The following SCEL variants were observed in gnomAD, a reference collection of about 807,000 sequenced individuals.
The protein encoded by SCEL is sciellin.
Under a neutral mutation model 117.6 loss-of-function variants are expected in SCEL, and 113 were observed. That is an observed-to-expected ratio of 0.96 (90% CI 0.83 to 1.12). The LOEUF (loss-of-function observed/expected upper bound fraction) is 1.12, where lower values mean the gene tolerates loss of function less well. SCEL is among the 50% of genes most tolerant of loss of function. The pLI is 0.00. For synonymous variants in SCEL, 270 were observed against 256.2 expected, an observed-to-expected ratio of 1.05 and a Z score of -0.51; for missense variants, 785 against 810.8, an observed-to-expected ratio of 0.97 and a Z score of 0.39.
rs1342111272 is a variant in SCEL at position 77,559,823 on chromosome 13, G to A, written c.181G>A (p.Val61Met). ...TTGCAGAGATGAAAATTACGGTAGG[G>A]TGGTGCTCAACCGACATAATTCCCA... ...EEEKDENYGR[V>M]VLNRHNSHDA... The change falls in exon 4 of 33, where the codon GTG (valine) becomes ATG (methionine). Residue 61 changes from valine to methionine, a missense_variant. Coordinates refer to ENST00000349847, the MANE Select transcript of SCEL (RefSeq NM_144777.3). 5 of 1,613,878 alleles carry A rather than the reference G, an allele frequency of 3.1e-6. No individual in the cohort carries two copies. Among genetic ancestry groups the A allele is most frequent in the Middle Eastern group, 1.6e-4 (1 of 6,062 alleles).
At chr13:77,589,996 A>G (rs989374730) in intron 10 of SCEL, among the ~76,000 whole-genome samples, 2 of 152,136 alleles carry the variant, frequency 1.3e-5, no homozygotes, top group South Asian at 4.1e-4. Flanking sequence ...TAGTAACTCA[A>G]CGGAGATTGA....
At chr13:77,542,217 A>G (rs548698160) in intron 1 of SCEL, among the ~76,000 whole-genome samples, 124 of 152,304 alleles carry the variant, frequency 8.1e-4, no homozygotes, top group Middle Eastern at 3.4e-3. Context: ...CCTGACCAAC[A>G]TGGTGAAACC....
At chr13:77,642,021 A>G (rs1594214125) in intron 31 of SCEL, among the ~76,000 whole-genome samples, 1 of 152,326 alleles carries the variant, frequency 6.6e-6, no homozygotes, top group East Asian at 1.9e-4. Context: ...AAAAATTTAA[A>G]CAAGAATATT....
At chr13:77,588,996 A>G in intron 9 of SCEL, 148 bp from the exon 10 acceptor site, 1 of 610,216 alleles carries the variant, frequency 1.6e-6, no homozygotes, top group Non-Finnish European at 2.9e-6. Context: ...TTAGTGCTCC[A>G]TGGATTCTGA....
intron 4 of SCEL, among the ~76,000 whole-genome samples, chr13:77,563,607 A>G (rs751931153): frequency 2.6e-5 from 4 of 152,214 alleles, no homozygotes; most frequent in Non-Finnish European, 4.4e-5. Flanking sequence ...CAGAAATAAT[A>G]GAAGCCAGAG....
intron 1 of SCEL, among the ~76,000 whole-genome samples, chr13:77,539,092 T>C (rs1248545930): frequency 2.0e-5 from 3 of 152,300 alleles, no homozygotes; most frequent in African/African-American, 4.8e-5. Flanking sequence ...GAAATTTATA[T>C]ACAAATGCAT....
At chr13:77,566,205 C>T (rs529542714) in intron 5 of SCEL, among the ~76,000 whole-genome samples, 1 of 152,028 alleles carries the variant, frequency 6.6e-6, no homozygotes, top group African/African-American at 2.4e-5. Context: ...ACTACAGAAT[C>T]GAATATATGA....
intron 19 of SCEL, among the ~76,000 whole-genome samples, chr13:77,606,263 G>T (rs751959805): frequency 6.6e-6 from 1 of 152,188 alleles, no homozygotes; most frequent in Non-Finnish European, 1.5e-5. Flanking sequence ...ATATACACAT[G>T]TGCTTTTTTG....
At chr13:77,621,353 C>T (rs2089406222) in intron 27 of SCEL, among the ~76,000 whole-genome samples, 1 of 152,126 alleles carries the variant, frequency 6.6e-6, no homozygotes, top group South Asian at 2.1e-4. Flanking sequence ...GCAAACCCCA[C>T]CCACACACCC....
At chr13:77,622,736 C>T (rs953054238) in intron 27 of SCEL, among the ~76,000 whole-genome samples, 3 of 152,088 alleles carry the variant, frequency 2.0e-5, no homozygotes, top group African/African-American at 4.8e-5. Flanking sequence ...ATGGCATGCA[C>T]CGGTAGTCCC....
chr13:77,638,474 A>T (rs1202910772), intron 30 of SCEL, among the ~76,000 whole-genome samples: 1 of 152,208 alleles, frequency 6.6e-6, no homozygotes, highest in Admixed American at 6.5e-5. Flanking sequence ...GCATTTCCTG[A>T]GCTTGTATTT....
rs746133643 is a variant in SCEL at position 77,604,368 on chromosome 13, T to C, written c.1110T>C (p.Leu370=). ...TCCTTTTTCAAAGAAAAAAAGACCT[T>C]GATGGGCTTATTAAAGTGGATCCTG... is the stretch of plus-strand genomic sequence containing the variant. The part of the protein sequence containing the change: ...GHENTTGKKD[L]DGLIKVDPET... The change falls in exon 19 of 33, where the codon CTT becomes CTC. Residue 370 remains leucine (L), a synonymous_variant. Transcript: ENST00000349847. 1.3e-6 allele frequency: 2 copies of C among 1,577,384 alleles called. No individual in the cohort carries two copies. Among genetic ancestry groups the C allele is most frequent in the Non-Finnish European group, 1.7e-6 (2 of 1,167,138 alleles).
At chr13:77,546,766 A>C (rs1299959002) in intron 1 of SCEL, among the ~76,000 whole-genome samples, 1 of 152,056 alleles carries the variant, frequency 6.6e-6, no homozygotes, top group African/African-American at 2.4e-5. Flanking sequence ...AGAGGTAGAT[A>C]ATACAGGGCT....
chr13:77,593,600 G>T (rs2087047141), intron 12 of SCEL, 27 bp downstream of exon 12: 1 of 1,584,246 alleles, frequency 6.3e-7, no homozygotes, highest in Non-Finnish European at 8.7e-7. Context: ...TTTGAGCTTG[G>T]GTTTTATCTT....
intron 28 of SCEL, among the ~76,000 whole-genome samples, chr13:77,633,019 A>G (rs1011300253): frequency 6.6e-6 from 1 of 152,242 alleles, no homozygotes; most frequent in East Asian, 1.9e-4. Flanking sequence ...TCTGTCCTTG[A>G]TAAAAAGGGC....
At chr13:77,586,742 C>T (rs540190745) in intron 9 of SCEL, among the ~76,000 whole-genome samples, 44 of 152,310 alleles carry the variant, frequency 2.9e-4, no homozygotes, top group Non-Finnish European at 5.9e-4. Flanking sequence ...CCCAAGGATC[C>T]TTCAAGAGAC....
intron 18 of SCEL, among the ~76,000 whole-genome samples, chr13:77,603,888 A>G (rs1040649394): frequency 5.9e-5 from 9 of 152,166 alleles, no homozygotes; most frequent in African/African-American, 2.2e-4. Context: ...CTTTTAGTTA[A>G]TATTGTTAAA....
chr13:77,547,430 A>G (rs1022162238), intron 1 of SCEL, among the ~76,000 whole-genome samples: 1 of 152,194 alleles, frequency 6.6e-6, no homozygotes, highest in Non-Finnish European at 1.5e-5. Flanking sequence ...CTGGTTGACA[A>G]AAAGGTATGA....
intron 29 of SCEL, 74 bp downstream of exon 29, chr13:77,634,524 T>C: frequency 4.6e-6 from 5 of 1,098,238 alleles, no homozygotes; most frequent in Non-Finnish European, 5.4e-6. Context: ...TAAGAGATGC[T>C]ATTGTTTTAG....
Sources: allele counts gnomAD v4.1 joint callset (sites outside exome capture counted in the v4.1 genomes callset), GRCh38; gene constraint gnomAD v4.1.1; transcripts MANE v1.5; gene names NCBI Gene and HGNC (gene_info 2026-07-23, HGNC 2026-07-21).